The following LIPK variants were observed in gnomAD, a reference collection of about 807,000 sequenced individuals.
LIPK encodes the protein lipase member K.
LIPK carries 32 observed loss-of-function variants against 48.6 expected under a neutral mutation model. That is an observed-to-expected ratio of 0.66 (90% CI 0.50 to 0.88). The LOEUF is 0.88. Ranked by LOEUF, LIPK falls within the 40% of genes least tolerant of loss-of-function variation. The pLI is 0.00. For synonymous variants in LIPK, 164 were observed against 157.4 expected, an observed-to-expected ratio of 1.04 and a Z score of -0.32; for missense variants, 507 against 478.5, an observed-to-expected ratio of 1.06 and a Z score of -0.56.
chr10:88,738,334 A>T (rs939276360), intron 7 of LIPK, among the ~76,000 whole-genome samples: 1 of 152,120 alleles, frequency 6.6e-6, no homozygotes, highest in Non-Finnish European at 1.5e-5. Flanking sequence ...TGACCCAAGG[A>T]GTTGGGGAAG....
intron 9 of LIPK, among the ~76,000 whole-genome samples, chr10:88,750,909 A>C (rs1357420918): frequency 6.6e-6 from 1 of 152,138 alleles, no homozygotes; most frequent in Non-Finnish European, 1.5e-5. Context: ...AAACAAAAAC[A>C]AAAAACAAAC....
At chr10:88,711,965 G>C (rs1011755283) in intron 1 of LIPK, among the ~76,000 whole-genome samples, 27 of 152,016 alleles carry the variant, frequency 1.8e-4, no homozygotes, top group Non-Finnish European at 8.8e-5. Context: ...TATCTGGTTT[G>C]GGAAATGTAT....
At chr10:88,722,145 A>C (rs1243138892) in intron 1 of LIPK, among the ~76,000 whole-genome samples, 1 of 152,116 alleles carries the variant, frequency 6.6e-6, no homozygotes, top group Non-Finnish European at 1.5e-5. Flanking sequence ...TAAAACTACA[A>C]AAAATTAGGT....
intron 4 of LIPK, 70 bp from the exon 5 acceptor site, chr10:88,732,108 A>C: frequency 1.0e-6 from 1 of 961,972 alleles, no homozygotes; most frequent in Non-Finnish European, 1.6e-6. Context: ...GTCTTCACTG[A>C]ACGTGTTTAA....
intron 1 of LIPK, among the ~76,000 whole-genome samples, chr10:88,706,906 G>C (rs747178354): frequency 1.2e-4 from 19 of 152,056 alleles, no homozygotes; most frequent in Non-Finnish European, 2.5e-4. Flanking sequence ...TGGGAGAGGA[G>C]TGAAAATGTG....
chr10:88,752,437 C>T (rs1590166605), intron 9 of LIPK, 80 bp from the exon 10 acceptor site: 2 of 1,018,070 alleles, frequency 2.0e-6, no homozygotes, highest in East Asian at 5.3e-5. Context: ...AAAGAACTTG[C>T]TCAACAGCTG....
Position 88,722,073 on chromosome 10 carries a change from G to A in LIPK, c.-11-2460G>A, listed in dbSNP as rs537369016. ...AGCACTTTGGGAGGCCAAGGTGGGT[G>A]GATCAGCAGGAGTCAGGAGTTCGAG... On this transcript the variant is annotated intron_variant, in intron 1 of 9. Transcript: ENST00000404190. 2.0e-4 allele frequency among the ~76,000 whole-genome samples: 30 copies of A among 152,290 alleles called. No individual in the cohort carries two copies. In the South Asian group the frequency reaches 6.0e-3, roughly 31 times the overall value.
intron 9 of LIPK, among the ~76,000 whole-genome samples, chr10:88,745,758 G>A (rs936848771): frequency 6.6e-6 from 1 of 151,190 alleles, no homozygotes. Context: ...CACAATGACA[G>A]GATCAAATCT....
At chr10:88,751,672 G>A (rs1842865302) in intron 9 of LIPK, among the ~76,000 whole-genome samples, 1 of 152,130 alleles carries the variant, frequency 6.6e-6, no homozygotes, top group Non-Finnish European at 1.5e-5. Flanking sequence ...TGGCAGGAGT[G>A]GGGTGGGGAT....
At chr10:88,750,647 T>G (rs1051232968) in intron 9 of LIPK, among the ~76,000 whole-genome samples, 1 of 152,084 alleles carries the variant, frequency 6.6e-6, no homozygotes, top group African/African-American at 2.4e-5. Flanking sequence ...TGGGGCCTAC[T>G]TGAGGGTGGA....
At chr10:88,738,577 A>G (rs138241324) in intron 7 of LIPK, among the ~76,000 whole-genome samples, 9 of 152,376 alleles carry the variant, frequency 5.9e-5, no homozygotes, top group African/African-American at 2.2e-4. Flanking sequence ...TACAATGGAA[A>G]CTATGCTTCC....
intron 3 of LIPK, chr10:88,728,500 G>A: frequency 4.1e-6 from 1 of 244,084 alleles, no homozygotes; most frequent in Non-Finnish European, 8.4e-6. Context: ...TGGGGAGTCC[G>A]CCATTAAGGA....
chr10:88,732,644 C>G, intron 6 of LIPK, 93 bp downstream of exon 6: 1 of 1,303,016 alleles, frequency 7.7e-7, no homozygotes, highest in Non-Finnish European at 1.1e-6. Flanking sequence ...TTACAAACTT[C>G]TGAGAAAATA....
At chr10:88,709,443 C>T (rs997741195) in intron 1 of LIPK, among the ~76,000 whole-genome samples, 2 of 151,708 alleles carry the variant, frequency 1.3e-5, no homozygotes, top group African/African-American at 4.8e-5. Flanking sequence ...TTGTCCCCCA[C>T]CCCCCGACAG....
At chr10:88,739,540 G>T (rs1842639411) in intron 7 of LIPK, among the ~76,000 whole-genome samples, 1 of 152,066 alleles carries the variant, frequency 6.6e-6, no homozygotes, top group Admixed American at 6.6e-5. Flanking sequence ...CAGATTATAT[G>T]GTACATGTTT....
intron 7 of LIPK, among the ~76,000 whole-genome samples, chr10:88,738,625 T>C (rs1239867327): frequency 6.6e-6 from 1 of 152,224 alleles, no homozygotes; most frequent in Non-Finnish European, 1.5e-5. Context: ...GGTGAGAGCA[T>C]ATCATGCAGG....
chr10:88,748,963 T>G (rs1040790371), intron 9 of LIPK, among the ~76,000 whole-genome samples: 5 of 152,130 alleles, frequency 3.3e-5, no homozygotes, highest in African/African-American at 1.2e-4. Flanking sequence ...ACAAAATCAA[T>G]GTACCAAAAT....
chr10:88,732,305 G>A lies in LIPK; in HGVS notation c.532+18G>A, dbSNP rs935268146. 3.7e-6 allele frequency: 6 copies of A among 1,605,194 alleles called. No individual in the cohort carries two copies. In the African/African-American group the frequency reaches 8.1e-5, roughly 22 times the overall value. ...CACCATAGGTGTGTTTGGGGCAGAT[G>A]TGATCAGAGAATGTCAGGGGCTCTT... On this transcript the variant is annotated intron_variant, in intron 5 of 9. Coordinates refer to ENST00000404190, the MANE Select transcript of LIPK (RefSeq NM_001080518.2).
chr10:88,715,574 T>A (rs1035288110), intron 1 of LIPK, among the ~76,000 whole-genome samples: 11 of 152,232 alleles, frequency 7.2e-5, no homozygotes, highest in South Asian at 4.1e-4. Flanking sequence ...CCGCTTTTTT[T>A]ATACATATTA....
Sources: allele counts gnomAD v4.1 joint callset (sites outside exome capture counted in the v4.1 genomes callset), GRCh38; gene constraint gnomAD v4.1.1; transcripts MANE v1.5; gene names NCBI Gene and HGNC (gene_info 2026-07-23, HGNC 2026-07-21).